Variants in NTM observed in about 807,000 individuals in gnomAD.
The protein encoded by NTM is IgLON family member 2.
In NTM, 13 loss-of-function variants were observed where a neutral mutation model predicts 42.1. That is an observed-to-expected ratio of 0.31 (90% CI 0.20 to 0.49). NTM has a LOEUF of 0.49. Among genes scored for constraint, NTM ranks in the 20% least tolerant of loss-of-function variants. The pLI, the probability that NTM is intolerant of heterozygous loss-of-function variation, is 0.99. For synonymous variants in NTM, 187 were observed against 179.2 expected (o/e 1.04, Z -0.35); for missense variants, 373 against 452.8 (o/e 0.82, Z 1.60).
At chr11:131,690,910 G>A (rs139237249) in intron 1 of NTM, among the ~76,000 whole-genome samples, 21 of 152,312 alleles carry the variant, frequency 1.4e-4, no homozygotes, top group Admixed American at 9.8e-4. Flanking sequence ...GTCAAGGGGC[G>A]GGTGGAAGTG....
At chr11:131,582,009 T>G (rs915229567) in intron 1 of NTM, 4 of 152,186 alleles carry the variant, frequency 2.6e-5, no homozygotes, top group Non-Finnish European at 5.9e-5. Flanking sequence ...CAGAGCTTTT[T>G]CATCCTGATG....
chr11:131,445,116 T>C (rs77776777), intron 1 of NTM, among the ~76,000 whole-genome samples: 1,829 of 152,338 alleles, frequency 0.012, 17 homozygotes, highest in Non-Finnish European at 0.019. Context: ...ATTATAGCCA[T>C]TTTTAATATA....
chr11:131,692,537 G>A (rs2074920828), intron 1 of NTM, among the ~76,000 whole-genome samples: 1 of 152,248 alleles, frequency 6.6e-6, no homozygotes, highest in South Asian at 2.1e-4. Context: ...AAGAAACTGA[G>A]AGAGAAAGAG....
At chr11:131,407,045 G>A (rs950265549) in intron 1 of NTM, among the ~76,000 whole-genome samples, 5 of 152,178 alleles carry the variant, frequency 3.3e-5, no homozygotes, top group East Asian at 1.9e-4. Flanking sequence ...TAGCATTTAC[G>A]TTTTAAATAT....
At chr11:131,783,606 C>T (rs1242881019) in intron 1 of NTM, among the ~76,000 whole-genome samples, 1 of 152,004 alleles carries the variant, frequency 6.6e-6, no homozygotes, top group Non-Finnish European at 1.5e-5. Flanking sequence ...GAATAAACAT[C>T]CATTCTTACC....
chr11:132,152,539 A>G (rs1264641984), intron 3 of NTM, among the ~76,000 whole-genome samples: 1 of 152,268 alleles, frequency 6.6e-6, no homozygotes, highest in Non-Finnish European at 1.5e-5. Flanking sequence ...TGAAAAAGTC[A>G]GGAAATTAAA....
At chr11:131,734,256 G>A (rs1410693571) in intron 1 of NTM, among the ~76,000 whole-genome samples, 1 of 152,098 alleles carries the variant, frequency 6.6e-6, no homozygotes, top group Admixed American at 6.5e-5. Flanking sequence ...CTCCAGAAAC[G>A]AACCTGGTTT....
chr11:131,382,048 GA>G (rs1182440301), intron 1 of NTM, among the ~76,000 whole-genome samples: 1 of 152,120 alleles, frequency 6.6e-6, no homozygotes, highest in Non-Finnish European at 1.5e-5. Context: ...TTTCTCTTTT[GA>G]AATAGTACTC....
intron 1 of NTM, among the ~76,000 whole-genome samples, chr11:131,405,850 G>C (rs1457104882): frequency 2.0e-5 from 3 of 152,056 alleles, no homozygotes; most frequent in Non-Finnish European, 4.4e-5. Context: ...CCTCCTTCTG[G>C]TTCTTAAACT....
chr11:131,890,738 A>C, intron 1 of NTM, among the ~76,000 whole-genome samples: 1 of 152,202 alleles, frequency 6.6e-6, no homozygotes, highest in Admixed American at 6.5e-5. Context: ...GGATGGGAAC[A>C]GATACTGTGT....
intron 1 of NTM, among the ~76,000 whole-genome samples, chr11:131,477,172 C>T (rs1429919893): frequency 3.9e-5 from 6 of 152,080 alleles, no homozygotes; most frequent in African/African-American, 1.4e-4. Context: ...ATGTAAGAAT[C>T]ACATCTATTT....
At chr11:131,531,274 G>A (rs899627963) in intron 1 of NTM, among the ~76,000 whole-genome samples, 1 of 152,098 alleles carries the variant, frequency 6.6e-6, no homozygotes, top group Admixed American at 6.6e-5. Context: ...AAATAGCTGG[G>A]ACTATAGGTG....
chr11:131,924,420 T>C (rs2057669306), intron 2 of NTM, among the ~76,000 whole-genome samples: 1 of 152,188 alleles, frequency 6.6e-6, no homozygotes, highest in Non-Finnish European at 1.5e-5. Flanking sequence ...TACTAGCTGC[T>C]CAAATCATAT....
intron 2 of NTM, among the ~76,000 whole-genome samples, chr11:131,946,940 G>C (rs1381023357): frequency 6.6e-6 from 1 of 151,998 alleles, no homozygotes; most frequent in Non-Finnish European, 1.5e-5. Context: ...GCAAATTCTT[G>C]GCTACAGAGT....
intron 1 of NTM, among the ~76,000 whole-genome samples, chr11:131,672,411 G>A (rs80301791): frequency 0.018 from 2,689 of 152,288 alleles, 69 homozygotes; most frequent in African/African-American, 0.062. Flanking sequence ...CGAAGCACGC[G>A]TGGGCGTGTT....
intron 1 of NTM, among the ~76,000 whole-genome samples, chr11:131,480,636 C>T (rs1953471416): frequency 6.6e-6 from 1 of 152,100 alleles, no homozygotes; most frequent in Non-Finnish European, 1.5e-5. Flanking sequence ...TCCTATAGAG[C>T]AGATTGTGGG....
chr11:132,143,751 T>A (rs1368371790), intron 2 of NTM, among the ~76,000 whole-genome samples: 2 of 152,164 alleles, frequency 1.3e-5, no homozygotes, highest in African/African-American at 4.8e-5. Context: ...CAAAGCAAGC[T>A]GCAAAGTGTG....
chr11:131,864,502 A>C (rs2046945047), intron 1 of NTM, among the ~76,000 whole-genome samples: 1 of 152,228 alleles, frequency 6.6e-6, no homozygotes, highest in Non-Finnish European at 1.5e-5. Context: ...TGGATTGCTT[A>C]ATGGTCCCAG....
At chr11:131,391,446 A>G (rs951553283) in intron 1 of NTM, among the ~76,000 whole-genome samples, 10 of 152,088 alleles carry the variant, frequency 6.6e-5, no homozygotes, top group African/African-American at 2.4e-4. Flanking sequence ...TCTAAAATGA[A>G]TTTTCTACCA....
Sources: gnomAD v4.1 joint callset for allele counts (sites outside exome capture counted in the v4.1 genomes callset) on GRCh38, gnomAD v4.1.1 for gene constraint, MANE v1.5 for transcripts, NCBI Gene and HGNC (gene_info 2026-07-23, HGNC 2026-07-21) for gene names.